The following NABP1 variants were observed in gnomAD, a reference collection of about 807,000 sequenced individuals.
The protein encoded by NABP1 is nucleic acid binding protein 1.
A neutral mutation model predicts 25.0 loss-of-function variants in NABP1; 18 were observed. That is an observed-to-expected ratio of 0.72 (90% CI 0.50 to 1.07). The LOEUF is 1.07. NABP1 is among the 50% of genes least tolerant of loss of function. NABP1 has a pLI of 0.00. For synonymous variants in NABP1, 71 were observed against 85.0 expected (o/e 0.84, Z 0.91); for missense variants, 270 against 255.6 (o/e 1.06, Z -0.39).
chr2:191,682,500 C>T lies in NABP1; in HGVS notation c.302+483C>T, dbSNP rs182709643. The T allele has an allele frequency of 8.7e-5, 41 of 470,912 alleles. No homozygotes were observed. In the East Asian group the frequency reaches 2.3e-3, roughly 26 times the overall value. 29.2% of individuals were successfully genotyped at this position (470,912 alleles called of 1,614,324 possible). On this transcript the variant is annotated intron_variant, in intron 3 of 5. Coordinates refer to ENST00000425611, the MANE Select transcript of NABP1 (RefSeq NM_001031716.5). The stretch of plus-strand genomic sequence containing the variant: ...CCTCTATTTATCCACAGTCTAGGTG[C>T]GGTGCAGGCAGCCGCAATGCGAGAT...
intron 3 of NABP1, chr2:191,682,712 GC>G (rs1263396561): frequency 4.4e-6 from 1 of 228,782 alleles, no homozygotes; most frequent in Non-Finnish European, 9.5e-6. Flanking sequence ...TCTACTTAAT[GC>G]CTGTCAAATT....
At chr2:191,679,201 A>G (rs905221338) in intron 2 of NABP1, 73 bp downstream of exon 2, 17 of 1,579,504 alleles carry the variant, frequency 1.1e-5, no homozygotes, top group Non-Finnish European at 1.4e-5. Flanking sequence ...GGATCTTGGC[A>G]AGCCCTGAAG....
At position 191,681,980 on chromosome 2, in the gene NABP1, T is replaced by C. The variant is rs776757327; in HGVS notation, c.265T>C (p.Tyr89His). 2 of 1,516,916 alleles carry C rather than the reference T, an allele frequency of 1.3e-6. No individual in the cohort carries two copies. Among genetic ancestry groups the C allele is most frequent in the Non-Finnish European group, 1.8e-6 (2 of 1,138,550 alleles). The allele number at this position is 1,516,916 out of a possible 1,614,324, so 94.0% of individuals were successfully genotyped here. A position where few individuals can be genotyped will look rare whatever the true frequency, so the allele number is the denominator to read the frequency against. ...CATGTGGAAAGGATGTCTGACACTT[T>C]ATACTGGAAGGGGTGGTGAACTTCA... Reference protein sequence around the residue: ...ASMWKGCLTLYTGRGGELQKI... With the variant: ...ASMWKGCLTLHTGRGGELQKI... The change falls in exon 3 of 6, where the codon TAT becomes CAT. Residue 89 changes from tyrosine to histidine, a missense_variant. Coordinates refer to ENST00000425611, the MANE Select transcript of NABP1 (RefSeq NM_001031716.5).
At chr2:191,682,625 T>C (rs1404791496) in intron 3 of NABP1, 1 of 469,216 alleles carries the variant, frequency 2.1e-6, no homozygotes, top group African/African-American at 2.0e-5. Flanking sequence ...AGCCTAGACA[T>C]TGGGTTGTAT....
rs1477312203 is a variant in NABP1, at chr2:191,678,459, T to C, written c.-156T>C. The C allele has an allele frequency of 2.7e-6, 1 of 372,298 alleles. No homozygotes were observed. Among genetic ancestry groups the C allele is most frequent in the Non-Finnish European group, 4.9e-6 (1 of 204,042 alleles). The allele number at this position is 372,298 out of a possible 1,614,324, so 23.1% of individuals were successfully genotyped here. On this transcript the variant is annotated 5_prime_UTR_variant, in exon 1 of 6. Coordinates refer to ENST00000425611, the MANE Select transcript of NABP1 (RefSeq NM_001031716.5). ...TTAGGCTCAGTGCTGTCCGGGCTGG[T>C]TTGCCCGGTCCCTGACTAACGGCTT...
rs892543068 is a variant in NABP1 at position 191,686,411 on chromosome 2, G to T, written c.*643G>T. On this transcript the variant is annotated 3_prime_UTR_variant, in exon 6 of 6. Transcript: ENST00000425611. ...AAAGCTACATTTATTTTAGAGTAGT[G>T]CTCCTAACATGTATTATCAACTTTG... The T allele has an allele frequency of 1.3e-5, 2 of 152,160 alleles. No homozygotes were observed. Among genetic ancestry groups the T allele is most frequent in the Non-Finnish European group, 2.9e-5 (2 of 68,024 alleles). The allele number at this position is 152,160 out of a possible 1,614,324, so 9.4% of individuals were successfully genotyped here.
chr2:191,685,829 A>T lies in NABP1; in HGVS notation c.*61A>T. The T allele has an allele frequency of 6.8e-7, 1 of 1,474,536 alleles. No homozygotes were observed. The highest frequency in any genetic ancestry group is 9.3e-7 in the Non-Finnish European group (1 of 1,070,676). 91.3% of individuals were successfully genotyped at this position (1,474,536 alleles called of 1,614,324 possible). ...CATGCCCTACTTGAACACTTATTGC[A>T]CTTTTATTTATTGTTAACTGTGAAA... On this transcript the variant is annotated 3_prime_UTR_variant, in exon 6 of 6. Coordinates refer to ENST00000425611, the MANE Select transcript of NABP1 (RefSeq NM_001031716.5).
chr2:191,681,934 T>C lies in NABP1; in HGVS notation c.231-12T>C. 1 of 1,487,510 alleles carries C rather than the reference T, an allele frequency of 6.7e-7. No individual in the cohort carries two copies. The highest frequency in any genetic ancestry group is 9.0e-7 in the Non-Finnish European group (1 of 1,113,146). The allele number at this position is 1,487,510 out of a possible 1,614,324, so 92.1% of individuals were successfully genotyped here. A position where few individuals can be genotyped will look rare whatever the true frequency, so the allele number is the denominator to read the frequency against. On this transcript the variant is annotated splice_polypyrimidine_tract_variant and intron_variant, in intron 2 of 5. Transcript: ENST00000425611. ...TATATTTCTAAAGAATTAATGTTTCTTTTCTCTCTAGGTATGCATCCATGT... is the reference window on the plus strand; with the variant it reads ...TATATTTCTAAAGAATTAATGTTTCCTTTCTCTCTAGGTATGCATCCATGT...
intron 2 of NABP1, among the ~76,000 whole-genome samples, chr2:191,681,663 T>A (rs1256405683): frequency 1.3e-5 from 2 of 152,232 alleles, no homozygotes; most frequent in Admixed American, 6.5e-5. Flanking sequence ...ACTAAAGATG[T>A]GATCATTGGG....
Position 191,679,077 on chromosome 2 carries a change from A to G in NABP1, c.179A>G (p.Asp60Gly). The change falls in exon 2 of 6, where the codon GAT (aspartate) becomes GGT (glycine). Residue 60 changes from aspartate to glycine, a missense_variant. By Grantham distance (94) the Asp-to-Gly change is moderately conservative (BLOSUM62 -1). Coordinates refer to ENST00000425611, the MANE Select transcript of NABP1 (RefSeq NM_001031716.5). Reference sequence around the variant, plus strand: ...GGCAGCATCACTATTTCCGTGTGGGATGAGATCGGAGGTCTTATACAGCCA... The same window carrying G: ...GGCAGCATCACTATTTCCGTGTGGGGTGAGATCGGAGGTCTTATACAGCCA... ...KTGSITISVW[D>G]EIGGLIQPGD... 6.2e-7 allele frequency: 1 copy of G among 1,614,152 alleles called. No homozygotes were observed. Among genetic ancestry groups the G allele is most frequent in the Non-Finnish European group, 8.5e-7 (1 of 1,180,008 alleles).
chr2:191,679,192 G>A, intron 2 of NABP1, 64 bp downstream of exon 2: 1 of 1,602,604 alleles, frequency 6.2e-7, no homozygotes, highest in Non-Finnish European at 8.5e-7. Flanking sequence ...CGGCTCCTGG[G>A]ATCTTGGCAA....
In NABP1 at chr2:191,679,021, A is replaced by T; in HGVS notation, c.123A>T (p.Glu41Asp). The T allele has an allele frequency of 1.2e-6, 2 of 1,614,250 alleles. No individual in the cohort carries two copies. The highest frequency in any genetic ancestry group is 2.7e-5 in the African/African-American group (2 of 75,076). Residue 41 changes from glutamate to aspartate, a missense_variant, in exon 2 of 6, where the codon GAA becomes GAT. Physicochemically the swap from Glu to Asp is conservative, Grantham distance 45. Transcript: ENST00000425611. Reference protein sequence around the residue: ...GRVTKTKDGHEVRSCKVADKT... With the variant: ...GRVTKTKDGHDVRSCKVADKT... ...TGACCAAAACCAAAGACGGCCATGA[A>T]GTGAGATCGTGCAAAGTAGCAGATA...
At position 191,685,856 on chromosome 2, in the gene NABP1, G is replaced by A. The variant is rs1370155095; in HGVS notation, c.*88G>A. On this transcript the variant is annotated 3_prime_UTR_variant, in exon 6 of 6. Transcript: ENST00000425611. The stretch of plus-strand genomic sequence containing the variant: ...TTTTATTTATTGTTAACTGTGAAAA[G>A]TACGTCCTTTATTGGGTTTCCTTTT... The A allele has an allele frequency of 7.8e-7, 1 of 1,277,424 alleles. No homozygotes were observed. Among genetic ancestry groups the A allele is most frequent in the African/African-American group, 1.5e-5 (1 of 65,412 alleles). The allele number at this position is 1,277,424 out of a possible 1,614,324, so 79.1% of individuals were successfully genotyped here.
At chr2:191,680,402 G>A (rs1687655495) in intron 2 of NABP1, among the ~76,000 whole-genome samples, 1 of 152,164 alleles carries the variant, frequency 6.6e-6, no homozygotes, top group Non-Finnish European at 1.5e-5. Flanking sequence ...ATCAAAGCAG[G>A]AAGTGAGAGT....
At chr2:191,682,458 G>A (rs1687712052) in intron 3 of NABP1, 1 of 467,960 alleles carries the variant, frequency 2.1e-6, no homozygotes, top group Admixed American at 2.4e-5. Context: ...AGGACTTGCA[G>A]CAACGAAAAC....
intron 2 of NABP1, among the ~76,000 whole-genome samples, chr2:191,679,463 G>A (rs1231796250): frequency 6.6e-6 from 1 of 152,182 alleles, no homozygotes; most frequent in African/African-American, 2.4e-5. Context: ...TGCAGCCTCC[G>A]CCTCGCGGGT....
intron 3 of NABP1, chr2:191,682,443 T>C (rs1437210866): frequency 2.1e-6 from 1 of 465,982 alleles, no homozygotes; most frequent in Non-Finnish European, 4.4e-6. Flanking sequence ...GTACTCATGT[T>C]AAAAAGGACT....
chr2:191,683,523 T>G lies in NABP1; in HGVS notation c.303-206T>G. ...AGAAGAATTTAAATACAAAATAGAA[T>G]GTTATATATCTTGTAGACAGTCAAA... On this transcript the variant is annotated intron_variant, in intron 3 of 5. Transcript: ENST00000425611. The surrounding 1 kb of genome is among the most constrained non-coding windows in gnomAD (Gnocchi z 4.1). 2.2e-6 allele frequency: 1 copy of G among 458,286 alleles called. No individual in the cohort carries two copies. The highest frequency in any genetic ancestry group is 2.1e-5 in the African/African-American group (1 of 48,168). The allele number at this position is 458,286 out of a possible 1,614,324, so 28.4% of individuals were successfully genotyped here.
chr2:191,678,434 T>TTTTTTTGG lies in NABP1; in HGVS notation c.-180_-179insTTTTTGGT. ...TTTTTTTTTTTTTTTTTTTCTTTTT[T>TTTTTTTGG]TAGGCTCAGTGCTGTCCGGGCTGGT... On this transcript the variant is annotated 5_prime_UTR_variant, in exon 1 of 6. Transcript: ENST00000425611. 1 of 360,414 alleles carries TTTTTTTGG rather than the reference T, an allele frequency of 2.8e-6. No homozygotes were observed. The highest frequency in any genetic ancestry group is 4.9e-6 in the Non-Finnish European group (1 of 203,730). 22.3% of individuals were successfully genotyped at this position (360,414 alleles called of 1,614,324 possible). A position where few individuals can be genotyped will look rare whatever the true frequency, so the allele number is the denominator to read the frequency against.
Sources: gnomAD v4.1 joint callset for allele counts (sites outside exome capture counted in the v4.1 genomes callset) on GRCh38, gnomAD v4.1.1 for gene constraint, Gnocchi (gnomAD v3.1) non-coding constraint, MANE v1.5 for transcripts, NCBI Gene and HGNC (gene_info 2026-07-23, HGNC 2026-07-21) for gene names.